SUGP2: variants seen among roughly 807,000 people sequenced by gnomAD.
The protein encoded by SUGP2 is SURP and G-patch domain containing 2.
SUGP2 carries 24 observed loss-of-function variants against 90.5 expected under a neutral mutation model. That is an observed-to-expected ratio of 0.27 (90% CI 0.19 to 0.37). The LOEUF is 0.37. SUGP2 is among the 10% of genes least tolerant of loss of function. SUGP2 has a pLI of 1.00. For missense variants in SUGP2, 1,233 were observed against 1,363.3 expected (o/e 0.90, Z 1.51); for synonymous variants, 473 against 513.4 (o/e 0.92, Z 1.06).
Position 19,033,469 on chromosome 19 carries a change from C to A in SUGP2, c.-44G>T, listed in dbSNP as rs1205379235. On this transcript the variant is annotated 5_prime_UTR_variant, in exon 1 of 11. Coordinates refer to ENST00000452918, the MANE Select transcript of SUGP2 (RefSeq NM_001017392.5). Reference sequence around the variant, plus strand: ...CCACCGCGCGCGGAGCCACCCCCGCCGCCGCCTCAGGCTCCTCACCCGCCG... The same window carrying A: ...CCACCGCGCGCGGAGCCACCCCCGCAGCCGCCTCAGGCTCCTCACCCGCCG... The A allele has an allele frequency of 1.4e-6, 2 of 1,404,136 alleles. No homozygotes were observed. Among genetic ancestry groups the A allele is most frequent in the Non-Finnish European group, 1.9e-6 (2 of 1,078,854 alleles). The allele number at this position is 1,404,136 out of a possible 1,614,324, so 87.0% of individuals were successfully genotyped here. A position where few individuals can be genotyped will look rare whatever the true frequency, so the allele number is the denominator to read the frequency against.
intron 1 of SUGP2, among the ~76,000 whole-genome samples, chr19:19,032,559 C>A (rs1207699817): frequency 6.6e-6 from 1 of 152,046 alleles, no homozygotes; most frequent in Non-Finnish European, 1.5e-5. Context: ...AGTGGCGGGA[C>A]CCCCAACCAA....
chr19:19,033,205 T>G, intron 1 of SUGP2: 1 of 264,864 alleles, frequency 3.8e-6, no homozygotes, highest in Non-Finnish European at 6.2e-6. Context: ...CAATGAGCCT[T>G]TGTGGACGCG....
At chr19:19,000,791 G>A (rs2057799319) in intron 8 of SUGP2, among the ~76,000 whole-genome samples, 1 of 150,412 alleles carries the variant, frequency 6.6e-6, no homozygotes, top group Non-Finnish European at 1.5e-5. Flanking sequence ...CTGCAGCCAC[G>A]ACCTCTCAGG....
chr19:19,025,484 T>C lies in SUGP2; in HGVS notation c.864A>G (p.Thr288=), dbSNP rs1483140972. 1.2e-6 allele frequency: 2 copies of C among 1,614,228 alleles called. No individual in the cohort carries two copies. Among genetic ancestry groups the C allele is most frequent in the South Asian group, 2.2e-5 (2 of 91,086 alleles). The change falls in exon 3 of 11, where the codon ACA becomes ACG. Residue 288 remains threonine, a synonymous_variant. Transcript: ENST00000452918. ...TCTGAATGGGGAACTGGATATCTTC[T>C]GTCCCTGGGTTTGTCCCCAGGGTCA... ...PDVTLGTNPG[T]EDIQFPIQKI...
chr19:18,998,289 A>G (rs534704265), intron 8 of SUGP2, among the ~76,000 whole-genome samples: 32 of 152,308 alleles, frequency 2.1e-4, no homozygotes, highest in African/African-American at 7.7e-4. Context: ...ATAAATATGT[A>G]TAACTTTTTT....
intron 4 of SUGP2, among the ~76,000 whole-genome samples, chr19:19,013,575 T>TC (rs1359653059): frequency 6.6e-6 from 1 of 152,196 alleles, no homozygotes. Context: ...CACACCTACC[T>TC]CCCTCCTTCC....
chr19:19,009,226 T>C (rs1040433262), intron 5 of SUGP2, among the ~76,000 whole-genome samples: 2 of 152,132 alleles, frequency 1.3e-5, no homozygotes, highest in South Asian at 4.1e-4. Flanking sequence ...GCCTCCTGTT[T>C]TAAGCCACAG....
In SUGP2 at chr19:19,015,146, G is replaced by A. The variant is rs557923127; in HGVS notation, c.1850+3963C>T. ...GAACCCGGGAGGCAGAGCTTGCAGC[G>A]AGCCAAGATCCCGCCACTGCACTCC... On this transcript the variant is annotated intron_variant, in intron 4 of 10. Transcript: ENST00000452918. 3.3e-5 allele frequency among the ~76,000 whole-genome samples: 5 copies of A among 152,062 alleles called. No individual in the cohort carries two copies. The South Asian group carries it at 1.0e-3, about 32-fold the overall frequency.
intron 4 of SUGP2, among the ~76,000 whole-genome samples, chr19:19,014,692 T>C (rs900546904): frequency 2.6e-5 from 4 of 151,700 alleles, no homozygotes; most frequent in African/African-American, 9.7e-5. Context: ...TCTCAGCTAC[T>C]TGGGAGGCTG....
intron 2 of SUGP2, among the ~76,000 whole-genome samples, chr19:19,027,445 G>T (rs1339533704): frequency 6.6e-6 from 1 of 152,222 alleles, no homozygotes; most frequent in African/African-American, 2.4e-5. Context: ...CACTGTACTA[G>T]GCACTGAAGT....
chr19:19,001,683 C>G lies in SUGP2; in HGVS notation c.2930-9G>C. The G allele has an allele frequency of 6.2e-7, 1 of 1,614,090 alleles. No homozygotes were observed. Among genetic ancestry groups the G allele is most frequent in the Non-Finnish European group, 8.5e-7 (1 of 1,179,958 alleles). ...TCGAACTGGTTCATGGACTAGAAGA[C>G]AAAAGAAAGAGACACATACACATAC... On this transcript the variant is annotated splice_polypyrimidine_tract_variant and intron_variant, in intron 7 of 10. Transcript: ENST00000452918.
At chr19:19,033,390 C>T (rs2059270288) in intron 1 of SUGP2, 47 bp downstream of exon 1, 2 of 1,243,670 alleles carry the variant, frequency 1.6e-6, no homozygotes, top group Non-Finnish European at 1.0e-6. Flanking sequence ...GCCCGAGCTT[C>T]CCACCCCGGG....
intron 5 of SUGP2, among the ~76,000 whole-genome samples, chr19:19,009,613 G>A (rs968527769): frequency 2.6e-5 from 4 of 152,198 alleles, no homozygotes; most frequent in Non-Finnish European, 4.4e-5. Context: ...ACGAAGGCAT[G>A]GGGCAGCACC....
At chr19:19,012,261 AAT>A (rs2058338557) in intron 4 of SUGP2, among the ~76,000 whole-genome samples, 1 of 152,182 alleles carries the variant, frequency 6.6e-6, no homozygotes. Flanking sequence ...CAATTAAGAG[AAT>A]GCTGACCAAC....
chr19:19,004,432 C>T lies in SUGP2; in HGVS notation c.2665G>A (p.Glu889Lys), dbSNP rs753323770. 4 of 1,614,228 alleles carry T rather than the reference C, an allele frequency of 2.5e-6. No homozygotes were observed. Among genetic ancestry groups the T allele is most frequent in the Non-Finnish European group, 3.4e-6 (4 of 1,180,030 alleles). ...PPREAELESP[E>K]VMPEEEDEDD... The stretch of plus-strand genomic sequence containing the variant: ...TCGTCCTCCTCCTCAGGCATCACCT[C>T]TGGGCTCTCCAGCTCAGCCTCCCGC... Residue 889 changes from glutamate (E) to lysine (K), a missense_variant, in exon 7 of 11, where the codon GAG becomes AAG. By Grantham distance (56) the Glu-to-Lys change is moderately conservative. Around this residue, in one of 8 missense-constraint regions of SUGP2, gnomAD observed 540 missense variants for 542.6 expected, o/e 1.00. Coordinates refer to ENST00000452918, the MANE Select transcript of SUGP2 (RefSeq NM_001017392.5).
intron 8 of SUGP2, among the ~76,000 whole-genome samples, chr19:18,995,899 T>C (rs1437035296): frequency 6.6e-6 from 1 of 151,800 alleles, no homozygotes; most frequent in Non-Finnish European, 1.5e-5. Flanking sequence ...CTGTGGGTGG[T>C]GGGGAAGTGC....
intron 8 of SUGP2, among the ~76,000 whole-genome samples, chr19:19,001,383 A>C (rs2057825685): frequency 6.6e-6 from 1 of 152,230 alleles, no homozygotes; most frequent in Admixed American, 6.5e-5. Context: ...CATCCATTAC[A>C]GGGATCTCAA....
chr19:19,000,564 AT>A (rs1260865971), intron 8 of SUGP2, among the ~76,000 whole-genome samples: 1 of 152,062 alleles, frequency 6.6e-6, no homozygotes, highest in African/African-American at 2.4e-5. Flanking sequence ...TTTATGTTTT[AT>A]TTTTTAAGGA....
Position 18,993,681 on chromosome 19 carries a change from G to C in SUGP2, c.*60C>G, listed in dbSNP as rs1362073661. ...TGGCTCCAGGCCGATCCAGGGCAGG[G>C]ATGATGTTTTAAGGGCAATTGCTGC... On this transcript the variant is annotated 3_prime_UTR_variant, in exon 11 of 11. Coordinates refer to ENST00000452918, the MANE Select transcript of SUGP2 (RefSeq NM_001017392.5). 1.3e-5 allele frequency: 2 copies of C among 152,620 alleles called. No individual in the cohort carries two copies. Among genetic ancestry groups the C allele is most frequent in the African/African-American group, 2.4e-5 (1 of 41,432 alleles). The allele number at this position is 152,620 out of a possible 1,614,324, so 9.5% of individuals were successfully genotyped here. A position where few individuals can be genotyped will look rare whatever the true frequency, so the allele number is the denominator to read the frequency against.
Sources: gnomAD v4.1 joint callset for allele counts (sites outside exome capture counted in the v4.1 genomes callset) on GRCh38, gnomAD v4.1.1 for gene constraint, gnomAD v4.1.1 regional missense constraint, MANE v1.5 for transcripts, NCBI Gene and HGNC (gene_info 2026-07-23, HGNC 2026-07-21) for gene names.